ERGIC3: variants seen among roughly 807,000 people sequenced by gnomAD.
The protein encoded by ERGIC3 is endoplasmic reticulum-Golgi intermediate compartment protein 3.
ERGIC3 carries 33 observed loss-of-function variants against 54.7 expected under a neutral mutation model. The observed-to-expected ratio is 0.60, with a 90% CI of 0.46 to 0.81. The LOEUF is 0.81. Ranked by LOEUF, ERGIC3 falls within the 30% of genes least tolerant of loss-of-function variation. The pLI is 0.00. For missense variants in ERGIC3, 399 were observed against 488.4 expected, an observed-to-expected ratio of 0.82 and a Z score of 1.73; for synonymous variants, 186 against 189.8, an observed-to-expected ratio of 0.98 and a Z score of 0.16.
rs368347144 is a variant in ERGIC3, at chr20:35,556,023, T to G, written c.718-10T>G. 2.3e-5 allele frequency: 37 copies of G among 1,613,466 alleles called. No homozygotes were observed. Among genetic ancestry groups the G allele is most frequent in the Admixed American group, 6.7e-5 (4 of 59,972 alleles). On this transcript the variant is annotated splice_polypyrimidine_tract_variant and intron_variant, in intron 8 of 12. Coordinates refer to ENST00000348547, the MANE Select transcript of ERGIC3 (RefSeq NM_015966.3). ...AGCTTTGGATGAGCTCTGGATGGTG[T>G]TGTTTACAGATCAACATGACCCACT...
rs2064720631 is a variant in ERGIC3, at chr20:35,557,390, C to G, written c.1073-35C>G. ...TCTCAGCGTCAAAAGCCAAGGCCCC[C>G]ACTGGGCCAGTGCCAGCCCTTGTCT... On this transcript the variant is annotated intron_variant, in intron 12 of 12. Transcript: ENST00000348547. 4 of 1,610,452 alleles carry G rather than the reference C, an allele frequency of 2.5e-6. No individual in the cohort carries two copies. In the African/African-American group the frequency reaches 5.3e-5, roughly 22 times the overall value.
At chr20:35,554,975 A>C in intron 7 of ERGIC3, 69 bp from the exon 8 acceptor site, 1 of 1,544,534 alleles carries the variant, frequency 6.5e-7, no homozygotes, top group South Asian at 1.1e-5. Flanking sequence ...GTCCAGGGGG[A>C]GGAAGGAGGA....
rs2064624011 is a variant in ERGIC3 at position 35,542,868 on chromosome 20, T to G, written c.294T>G (p.Asp98Glu). 2 of 1,614,006 alleles carry G rather than the reference T, an allele frequency of 1.2e-6. No individual in the cohort carries two copies. Among genetic ancestry groups the G allele is most frequent in the Non-Finnish European group, 8.5e-7 (1 of 1,180,036 alleles). ...AMDVAGEQQL[D>E]VEHNLFKQRL... ...ATGTGGCCGGAGAACAGCAGCTGGATGTGGAACACAACCTGTTCAAGCAAC... is the reference window on the plus strand; with the variant it reads ...ATGTGGCCGGAGAACAGCAGCTGGAGGTGGAACACAACCTGTTCAAGCAAC... Residue 98 changes from aspartate (D) to glutamate (E), a missense_variant, in exon 4 of 13, where the codon GAT becomes GAG. Coordinates refer to ENST00000348547, the MANE Select transcript of ERGIC3 (RefSeq NM_015966.3).
Position 35,556,062 on chromosome 20 carries a change from G to C in ERGIC3, c.747G>C (p.Leu249=). Residue 249 remains leucine (L), a synonymous_variant, in exon 9 of 13, where the codon CTG becomes CTC. Transcript: ENST00000348547. ...ACATGACCCACTACATCCAGCACCTGTCATTTGGGGAGGACTATCCAGGCA... is the reference window on the plus strand; with the variant it reads ...ACATGACCCACTACATCCAGCACCTCTCATTTGGGGAGGACTATCCAGGCA... ...NINMTHYIQH[L]SFGEDYPGIV... 3 of 1,614,164 alleles carry C rather than the reference G, an allele frequency of 1.9e-6. No homozygotes were observed. Among genetic ancestry groups the C allele is most frequent in the Non-Finnish European group, 2.5e-6 (3 of 1,180,026 alleles).
chr20:35,542,680 G>T lies in ERGIC3; in HGVS notation c.247+80G>T, dbSNP rs116280235. On this transcript the variant is annotated intron_variant, in intron 3 of 12. Coordinates refer to ENST00000348547, the MANE Select transcript of ERGIC3 (RefSeq NM_015966.3). ...GCCAGATTCACACCTCCACCCTTAG[G>T]TTCTGGACTGGACCCCAGGACAACC... 2.3e-3 allele frequency: 3,758 copies of T among 1,601,198 alleles called. 73 individuals are homozygous for T. In the African/African-American group the frequency reaches 0.044, roughly 19 times the overall value.
intron 4 of ERGIC3, 74 bp downstream of exon 4, chr20:35,543,015 T>G: frequency 6.2e-7 from 1 of 1,602,182 alleles, no homozygotes; most frequent in Non-Finnish European, 8.5e-7. Flanking sequence ...GCAAGTGAAC[T>G]GTGGCAGGCA....
Position 35,555,094 on chromosome 20 carries a change from C to T in ERGIC3, c.717+19C>T, listed in dbSNP as rs982434749. Reference sequence around the variant, plus strand: ...TGACAACGTACGTACCAGATGGAAACCATGGAGGGCAGGTGGGGGTGGGAG... The same window carrying T: ...TGACAACGTACGTACCAGATGGAAATCATGGAGGGCAGGTGGGGGTGGGAG... On this transcript the variant is annotated intron_variant, in intron 8 of 12. Coordinates refer to ENST00000348547, the MANE Select transcript of ERGIC3 (RefSeq NM_015966.3). 3.7e-6 allele frequency: 6 copies of T among 1,613,386 alleles called. No homozygotes were observed. The African/African-American group carries it at 8.0e-5, about 22-fold the overall frequency.
In ERGIC3 at chr20:35,557,033, G is replaced by A. The variant is rs369685477; in HGVS notation, c.940G>A (p.Gly314Ser). 1 of 1,614,254 alleles carries A rather than the reference G, an allele frequency of 6.2e-7. No individual in the cohort carries two copies. Among genetic ancestry groups the A allele is most frequent in the Non-Finnish European group, 8.5e-7 (1 of 1,180,040 alleles). Residue 314 changes from glycine to serine, a missense_variant, in exon 11 of 13, where the codon GGC becomes AGC. Coordinates refer to ENST00000348547, the MANE Select transcript of ERGIC3 (RefSeq NM_015966.3). Reference protein sequence around the residue: ...RHEKVANGLLGDQGLPGVFVL... With the variant: ...RHEKVANGLLSDQGLPGVFVL... ...TGAGAAGGTTGCCAATGGGCTGTTGGGCGACCAAGGCCTTCCCGGAGTCTT... is the reference window on the plus strand; with the variant it reads ...TGAGAAGGTTGCCAATGGGCTGTTGAGCGACCAAGGCCTTCCCGGAGTCTT...
chr20:35,547,624 T>G (rs1005278748), intron 5 of ERGIC3, 119 bp downstream of exon 5: 18 of 817,650 alleles, frequency 2.2e-5, no homozygotes, highest in Non-Finnish European at 3.4e-5. Context: ...GTGGGCGGGG[T>G]ATGTGCCTCT....
chr20:35,556,248 G>A lies in ERGIC3; in HGVS notation c.856G>A (p.Val286Met). The change falls in exon 10 of 13, where the codon GTG (valine) becomes ATG (methionine). Residue 286 changes from valine to methionine, a missense_variant. Val to Met is a conservative substitution (Grantham distance 21, BLOSUM62 1). Transcript: ENST00000348547. ...GTACTTTGTGAAGGTGGTGCCCACT[G>A]TGTACATGAAGGTGGACGGAGAGGT... ...FQYFVKVVPTVYMKVDGEVLR... is the reference protein window; with the variant it reads ...FQYFVKVVPTMYMKVDGEVLR... 1 of 1,614,182 alleles carries A rather than the reference G, an allele frequency of 6.2e-7. No individual in the cohort carries two copies. Among genetic ancestry groups the A allele is most frequent in the East Asian group, 2.2e-5 (1 of 44,888 alleles).
In ERGIC3 at chr20:35,542,584, G is replaced by A. The variant is rs144125357; in HGVS notation, c.231G>A (p.Pro77=). 1.9e-6 allele frequency: 3 copies of A among 1,613,806 alleles called. No individual in the cohort carries two copies. The African/African-American group carries it at 4.0e-5, about 22-fold the overall frequency. Residue 77 remains proline (P), a synonymous_variant, in exon 3 of 13, where the codon CCG becomes CCA. Coordinates refer to ENST00000348547, the MANE Select transcript of ERGIC3 (RefSeq NM_015966.3). Reference sequence around the variant, plus strand: ...AGATCAACATCGATGTACTTTTTCCGCACATGCCTTGTGCCTGTGAGTACC... The same window carrying A: ...AGATCAACATCGATGTACTTTTTCCACACATGCCTTGTGCCTGTGAGTACC... ...KLKINIDVLF[P]HMPCAYLSID...
intron 7 of ERGIC3, chr20:35,549,392 G>T: frequency 2.7e-6 from 1 of 367,242 alleles, no homozygotes; most frequent in South Asian, 2.1e-5. Context: ...TCACAGGGCT[G>T]TTGGGGTGAA....
At chr20:35,549,501 A>C (rs74933757) in intron 7 of ERGIC3, 8 of 258,754 alleles carry the variant, frequency 3.1e-5, no homozygotes, top group Non-Finnish European at 7.7e-6. Context: ...GTAGTGAACA[A>C]TCTGTGCCCT....
In ERGIC3 at chr20:35,554,972, G is replaced by A. The variant is rs115849175; in HGVS notation, c.686-72G>A. ...GAAGACAGGTGGTTTGCAGTCCAGGGGGAGGAAGGAGGAGGCCAGTGCTGC... is the reference window on the plus strand; with the variant it reads ...GAAGACAGGTGGTTTGCAGTCCAGGAGGAGGAAGGAGGAGGCCAGTGCTGC... On this transcript the variant is annotated intron_variant, in intron 7 of 12. Coordinates refer to ENST00000348547, the MANE Select transcript of ERGIC3 (RefSeq NM_015966.3). The A allele has an allele frequency of 5.4e-3, 8,366 of 1,562,790 alleles. 330 individuals are homozygous for A. The African/African-American group carries it at 0.097, about 18-fold the overall frequency.
chr20:35,557,569 C>G lies in ERGIC3; in HGVS notation c.*65C>G. 1 of 1,379,346 alleles carries G rather than the reference C, an allele frequency of 7.2e-7. No homozygotes were observed. Among genetic ancestry groups the G allele is most frequent in the Non-Finnish European group, 1.0e-6 (1 of 969,120 alleles). The allele number at this position is 1,379,346 out of a possible 1,614,324, so 85.4% of individuals were successfully genotyped here. ...CCTGTGGTTGTCCCCCAGCCTCTGC[C>G]ACCCTCCACCTCCTCGGTCAGCCCC... is the stretch of plus-strand genomic sequence containing the variant. On this transcript the variant is annotated 3_prime_UTR_variant, in exon 13 of 13. Transcript: ENST00000348547.
rs2064709689 is a variant in ERGIC3 at position 35,556,071 on chromosome 20, G to A, written c.756G>A (p.Gly252=). 1.2e-6 allele frequency: 2 copies of A among 1,614,160 alleles called. No individual in the cohort carries two copies. The highest frequency in any genetic ancestry group is 2.2e-5 in the East Asian group (1 of 44,884). ...MTHYIQHLSF[G]EDYPGIVNPL... Reference sequence around the variant, plus strand: ...ACTACATCCAGCACCTGTCATTTGGGGAGGACTATCCAGGCATTGTGAACC... The same window carrying A: ...ACTACATCCAGCACCTGTCATTTGGAGAGGACTATCCAGGCATTGTGAACC... The change falls in exon 9 of 13, where the codon GGG becomes GGA. Residue 252 remains glycine (G), a synonymous_variant. Coordinates refer to ENST00000348547, the MANE Select transcript of ERGIC3 (RefSeq NM_015966.3).
At position 35,548,623 on chromosome 20, in the gene ERGIC3, G is replaced by C; in HGVS notation, c.576G>C (p.Gln192His). Residue 192 changes from glutamine to histidine, a missense_variant, in exon 6 of 13, where the codon CAG (glutamine) becomes CAC (histidine). Physicochemically the swap from Gln to His is conservative, Grantham distance 24 (BLOSUM62 0). Coordinates refer to ENST00000348547, the MANE Select transcript of ERGIC3 (RefSeq NM_015966.3). Reference protein sequence around the residue: ...CRREGFSQKMQEQKNEGCQVY... With the variant: ...CRREGFSQKMHEQKNEGCQVY... ...GAGAGGGCTTCAGCCAGAAGATGCAGGAGCAGAAGAATGAAGGCTGCCAGG... is the reference window on the plus strand; with the variant it reads ...GAGAGGGCTTCAGCCAGAAGATGCACGAGCAGAAGAATGAAGGCTGCCAGG... 1 of 1,614,244 alleles carries C rather than the reference G, an allele frequency of 6.2e-7. No homozygotes were observed. Among genetic ancestry groups the C allele is most frequent in the Non-Finnish European group, 8.5e-7 (1 of 1,180,050 alleles).
At chr20:35,542,256 G>C in intron 1 of ERGIC3, 67 bp from the exon 2 acceptor site, 1 of 1,612,322 alleles carries the variant, frequency 6.2e-7, no homozygotes, top group Non-Finnish European at 8.5e-7. Context: ...CCTGGACTCT[G>C]ACTGGCCTGC....
At chr20:35,543,237 G>T in intron 4 of ERGIC3, 1 of 374,788 alleles carries the variant, frequency 2.7e-6, no homozygotes, top group South Asian at 2.2e-5. Context: ...TGCCTTGGTA[G>T]AACTGTCTAG....
Sources: allele counts gnomAD v4.1 joint callset, GRCh38; gene constraint gnomAD v4.1.1; transcripts MANE v1.5; gene names NCBI Gene and HGNC (gene_info 2026-07-23, HGNC 2026-07-21).